RAET1E: variants seen among roughly 807,000 people sequenced by gnomAD.
RAET1E encodes retinoic acid early transcript 1E.
In RAET1E, 27 loss-of-function variants were observed where a neutral mutation model predicts 21.1. That is an observed-to-expected ratio of 1.28 (90% CI 0.94 to 1.76). The LOEUF (loss-of-function observed/expected upper bound fraction) is 1.76, where lower values mean the gene tolerates loss of function less well. Among genes scored for constraint, RAET1E ranks in the 40% most tolerant of loss-of-function variants. The pLI, the probability that RAET1E is intolerant of heterozygous loss-of-function variation, is 0.00. For missense variants in RAET1E, 310 were observed against 311.3 expected, an observed-to-expected ratio of 1.00 and a Z score of 0.03; for synonymous variants, 113 against 115.0, an observed-to-expected ratio of 0.98 and a Z score of 0.11.
intron 2 of RAET1E, among the ~76,000 whole-genome samples, chr6:149,893,510 A>G (rs980116126): frequency 6.6e-6 from 1 of 152,040 alleles, no homozygotes; most frequent in African/African-American, 2.4e-5. Flanking sequence ...TTTGTCTGTT[A>G]TTGTTGCATA....
chr6:149,890,774 C>T (rs750620447), intron 3 of RAET1E, 43 bp downstream of exon 3: 1 of 1,420,078 alleles, frequency 7.0e-7, no homozygotes, highest in East Asian at 2.3e-5. Flanking sequence ...ACCTTTCTCC[C>T]TCCTCCTTGT....
At chr6:149,897,284 C>T (rs1378067942) in intron 1 of RAET1E, among the ~76,000 whole-genome samples, 4 of 152,086 alleles carry the variant, frequency 2.6e-5, no homozygotes, top group South Asian at 2.1e-4. Context: ...ATCCTCCCCC[C>T]TCAGCCTCCC....
intron 2 of RAET1E, among the ~76,000 whole-genome samples, chr6:149,893,308 C>T (rs188832641): frequency 4.6e-4 from 70 of 152,260 alleles, no homozygotes; most frequent in Non-Finnish European, 9.1e-4. Flanking sequence ...GCCATTTTCA[C>T]GATATTAGTG....
intron 5 of RAET1E, 41 bp downstream of exon 5, chr6:149,889,307 T>C: frequency 6.2e-7 from 1 of 1,609,368 alleles, no homozygotes; most frequent in Non-Finnish European, 8.5e-7. Context: ...GCTTTTGACC[T>C]TTAAAGGGAG....
rs1171628535 is a variant in RAET1E at position 149,885,131 on chromosome 6, A to G, written c.*3367T>C. ...TACTTTCCCATGGTCAGATGGTCAG[A>G]TCATCAAGCTGCTGCCCCACCCAAA... On this transcript the variant is annotated 3_prime_UTR_variant, in exon 6 of 6. Coordinates refer to ENST00000357183, the MANE Select transcript of RAET1E (RefSeq NM_001394057.1). Among the ~76,000 whole-genome samples, 1 of 152,160 alleles carries G rather than the reference A, an allele frequency of 6.6e-6. No homozygotes were observed. Among genetic ancestry groups the G allele is most frequent in the Admixed American group, 6.5e-5 (1 of 15,274 alleles).
rs1458359702 is a variant in RAET1E at position 149,888,505 on chromosome 6, G to A, written c.785C>T (p.Thr262Met). The change falls in exon 6 of 6, where the codon ACG (threonine) becomes ATG (methionine). Residue 262 changes from threonine (T) to methionine (M), a missense_variant. By Grantham distance (81) the Thr-to-Met change is moderately conservative. Coordinates refer to ENST00000357183, the MANE Select transcript of RAET1E (RefSeq NM_001394057.1). ...EWQAGLWPLR[T>M]S The stretch of plus-strand genomic sequence containing the variant: ...TCTTGAGTCCTTACCAGACTAAGAC[G>A]TCCTCAAGGGCCAGAGACCAGCCTG... 14 of 1,612,648 alleles carry A rather than the reference G, an allele frequency of 8.7e-6. No individual in the cohort carries two copies. Among genetic ancestry groups the A allele is most frequent in the Admixed American group, 3.4e-5 (2 of 59,510 alleles).
Position 149,889,952 on chromosome 6 carries a change from C to A in RAET1E, c.279G>T (p.Thr93=). ...TGAGGTCTCGCCCCACTTCTCCCAG[C>A]GTTTGGGTCAATTCTCCCCAAGTGC... ...ATSTWGELTQ[T]LGEVGRDLRM... The change falls in exon 4 of 6, where the codon ACG becomes ACT. Residue 93 remains threonine (T), a synonymous_variant. Transcript: ENST00000357183. 1 of 1,614,116 alleles carries A rather than the reference C, an allele frequency of 6.2e-7. No individual in the cohort carries two copies. The highest frequency in any genetic ancestry group is 1.1e-5 in the South Asian group (1 of 91,070).
chr6:149,890,762 C>T (rs1240772510), intron 3 of RAET1E, 55 bp downstream of exon 3: 9 of 1,293,332 alleles, frequency 7.0e-6, no homozygotes, highest in African/African-American at 1.5e-5. Context: ...CGCCTACCCC[C>T]TACCTTTCTC....
intron 2 of RAET1E, among the ~76,000 whole-genome samples, chr6:149,891,964 T>C (rs1157678006): frequency 6.6e-6 from 1 of 152,046 alleles, no homozygotes; most frequent in Non-Finnish European, 1.5e-5. Context: ...CACCTATGAG[T>C]GAGAACATGT....
intron 2 of RAET1E, among the ~76,000 whole-genome samples, chr6:149,891,746 T>A (rs544617329): frequency 6.6e-6 from 1 of 152,266 alleles, no homozygotes; most frequent in Non-Finnish European, 1.5e-5. Context: ...TTTTTTATTA[T>A]ACTTTAAGTT....
In RAET1E at chr6:149,888,248, T is replaced by C; in HGVS notation, c.*250A>G. ...GCAAACAAACTTTCCGTCAAAGAGC[T>C]GGATGAAACCTGGGCCGGATGGCAA... On this transcript the variant is annotated 3_prime_UTR_variant, in exon 6 of 6. Coordinates refer to ENST00000357183, the MANE Select transcript of RAET1E (RefSeq NM_001394057.1). The C allele has an allele frequency of 1.4e-6, 1 of 702,284 alleles. No homozygotes were observed. Among genetic ancestry groups the C allele is most frequent in the Admixed American group, 1.9e-5 (1 of 53,394 alleles). 43.5% of individuals were successfully genotyped at this position (702,284 alleles called of 1,614,324 possible). A position where few individuals can be genotyped will look rare whatever the true frequency, so the allele number is the denominator to read the frequency against.
chr6:149,893,738 G>A (rs1778002360), intron 2 of RAET1E, among the ~76,000 whole-genome samples: 1 of 152,194 alleles, frequency 6.6e-6, no homozygotes, highest in Non-Finnish European at 1.5e-5. Flanking sequence ...CCAATACTAT[G>A]TTGAATAGGA....
At chr6:149,897,853 GC>G (rs1778177686) in intron 1 of RAET1E, among the ~76,000 whole-genome samples, 167 bp downstream of exon 1, 1 of 151,944 alleles carries the variant, frequency 6.6e-6, no homozygotes, top group Non-Finnish European at 1.5e-5. Context: ...GCCTTATCCA[GC>G]GTCCCCGCCG....
At chr6:149,890,696 C>T (rs1314866676) in intron 3 of RAET1E, 121 bp downstream of exon 3, 2 of 690,500 alleles carry the variant, frequency 2.9e-6, no homozygotes, top group African/African-American at 1.7e-5. Flanking sequence ...TCCTCTTCCT[C>T]ACGTCATCCT....
chr6:149,888,692 A>AAAAAAAAAAAG, intron 5 of RAET1E, 25 bp from the exon 6 acceptor site: 1 of 1,468,462 alleles, frequency 6.8e-7, no homozygotes, highest in Non-Finnish European at 8.9e-7. Context: ...AAAAAGAAAA[A>AAAAAAAAAAAG]AAAGCACAAG....
chr6:149,894,109 T>G (rs1487202369), intron 2 of RAET1E, among the ~76,000 whole-genome samples: 1 of 152,142 alleles, frequency 6.6e-6, no homozygotes, highest in East Asian at 1.9e-4. Context: ...TTTGCCAGGA[T>G]TTTTGCATCA....
Position 149,891,046 on chromosome 6 carries a change from C to A in RAET1E, c.-133-12G>T. On this transcript the variant is annotated splice_polypyrimidine_tract_variant and intron_variant, in intron 2 of 5. Transcript: ENST00000357183. ...AACTGAGGTCAGGCCTGTAGAGACC[C>A]AATTAAAGAACAATTTTGTGAAGAG... 3.5e-6 allele frequency: 2 copies of A among 565,124 alleles called. No individual in the cohort carries two copies. The highest frequency in any genetic ancestry group is 1.9e-5 in the African/African-American group (1 of 53,616). 35.0% of individuals were successfully genotyped at this position (565,124 alleles called of 1,614,324 possible).
At position 149,885,385 on chromosome 6, in the gene RAET1E, C is replaced by A. The variant is rs985418064; in HGVS notation, c.*3113G>T. 4.6e-5 allele frequency among the ~76,000 whole-genome samples: 7 copies of A among 152,190 alleles called. No homozygotes were observed. Among genetic ancestry groups the A allele is most frequent in the African/African-American group, 1.7e-4 (7 of 41,456 alleles). Reference sequence around the variant, plus strand: ...TTGGCCAGGGACAGAGAGGGCTCAACTTGACCCAGAGCTAAGCCTCTCAGG... The same window carrying A: ...TTGGCCAGGGACAGAGAGGGCTCAAATTGACCCAGAGCTAAGCCTCTCAGG... On this transcript the variant is annotated 3_prime_UTR_variant, in exon 6 of 6. Transcript: ENST00000357183.
chr6:149,890,685 A>T, intron 3 of RAET1E, 132 bp downstream of exon 3: 1 of 659,098 alleles, frequency 1.5e-6, no homozygotes, highest in Non-Finnish European at 2.7e-6. Context: ...CATCCCAGGG[A>T]TCCTCTTCCT....
Sources: gnomAD v4.1 joint callset for allele counts (sites outside exome capture counted in the v4.1 genomes callset) on GRCh38, gnomAD v4.1.1 for gene constraint, MANE v1.5 for transcripts, NCBI Gene and HGNC (gene_info 2026-07-23, HGNC 2026-07-21) for gene names.